Variants in DNAH5 observed in about 807,000 individuals in gnomAD.
DNAH5 encodes axonemal beta dynein heavy chain 5.
A neutral mutation model predicts 518.2 loss-of-function variants in DNAH5; 372 were observed. The ratio of observed to expected loss-of-function variants is 0.72; its 90% CI spans 0.66 to 0.78. The LOEUF is 0.78. DNAH5 is among the 30% of genes least tolerant of loss of function. The pLI, the probability that DNAH5 is intolerant of heterozygous loss-of-function variation, is 0.00. For synonymous variants in DNAH5, 2,039 were observed against 2,025.9 expected, an observed-to-expected ratio of 1.01 and a Z score of -0.17; for missense variants, 5,523 against 5,687.0, an observed-to-expected ratio of 0.97 and a Z score of 0.93.
chr5:13,748,601 T>G (rs1010919866), intron 65 of DNAH5, among the ~76,000 whole-genome samples: 1 of 152,306 alleles, frequency 6.6e-6, no homozygotes, highest in Admixed American at 6.5e-5. Context: ...TCATATCCCT[T>G]GTAAGTTGGA....
rs1189787566 is a variant in DNAH5, at chr5:13,768,948, A to C, written c.9897+12T>G. 1.2e-6 allele frequency: 2 copies of C among 1,613,928 alleles called. No individual in the cohort carries two copies. The highest frequency in any genetic ancestry group is 1.7e-6 in the Non-Finnish European group (2 of 1,179,966). On this transcript the variant is annotated intron_variant, in intron 58 of 78. Coordinates refer to ENST00000265104, the MANE Select transcript of DNAH5 (RefSeq NM_001369.3). ...CCCTAAAGCTGACATCTGTTATATC[A>C]CATAGATGCACCTGCAATGCAGCTT... is the stretch of plus-strand genomic sequence containing the variant.
chr5:13,809,320 G>A, intron 45 of DNAH5, 134 bp from the exon 46 acceptor site: 1 of 1,096,436 alleles, frequency 9.1e-7, no homozygotes, highest in Non-Finnish European at 1.4e-6. Context: ...TAAAATTAGA[G>A]ATCTAAGTAC....
At chr5:13,974,663 C>T (rs1782108987) in intron 1 of DNAH5, among the ~76,000 whole-genome samples, 1 of 152,134 alleles carries the variant, frequency 6.6e-6, no homozygotes, top group Admixed American at 6.5e-5. Context: ...TGAACTGGTG[C>T]CTGCATGACA....
At chr5:13,833,751 C>T (rs1269007555) in intron 35 of DNAH5, among the ~76,000 whole-genome samples, 1 of 152,154 alleles carries the variant, frequency 6.6e-6, no homozygotes. Flanking sequence ...CTCCATCAGC[C>T]CTCAATTTCT....
At chr5:13,910,897 G>A (rs2151976858) in intron 12 of DNAH5, among the ~76,000 whole-genome samples, 1 of 152,320 alleles carries the variant, frequency 6.6e-6, no homozygotes, top group South Asian at 2.1e-4. Context: ...CAGTGAGCAG[G>A]TGAAAGAAGG....
intron 31 of DNAH5, among the ~76,000 whole-genome samples, chr5:13,849,251 T>C (rs980136747): frequency 3.3e-5 from 5 of 152,236 alleles, no homozygotes. Flanking sequence ...AGGGTTTACA[T>C]CTCTCACGTT....
rs140308039 is a variant in DNAH5, at chr5:13,832,408, C to T, written c.5883-1633G>A. On this transcript the variant is annotated intron_variant, in intron 35 of 78. Transcript: ENST00000265104. ...ACCCACTGCTACACTGGTGCCCAAACTGCCTTTCGGTGACAAGCATGGATC... is the reference window on the plus strand; with the variant it reads ...ACCCACTGCTACACTGGTGCCCAAATTGCCTTTCGGTGACAAGCATGGATC... 1.3e-3 allele frequency among the ~76,000 whole-genome samples: 193 copies of T among 152,376 alleles called. 1 individual carries two copies. The Middle Eastern group carries it at 0.017, about 13-fold the overall frequency.
At chr5:13,878,219 C>T (rs1032795750) in intron 21 of DNAH5, among the ~76,000 whole-genome samples, 5 of 152,158 alleles carry the variant, frequency 3.3e-5, no homozygotes, top group Non-Finnish European at 5.9e-5. Context: ...CTTCTGCAGC[C>T]ACCTCCCAAA....
At chr5:13,978,589 TATA>T (rs1782448109) in intron 1 of DNAH5, among the ~76,000 whole-genome samples, 1 of 152,212 alleles carries the variant, frequency 6.6e-6, no homozygotes, top group Admixed American at 6.5e-5. Context: ...CCCATGAGAT[TATA>T]ATGCCATATG....
At chr5:13,908,417 C>A (rs1005290960) in intron 12 of DNAH5, among the ~76,000 whole-genome samples, 2 of 152,186 alleles carry the variant, frequency 1.3e-5, no homozygotes, top group Admixed American at 1.3e-4. Context: ...AGCCCTAACA[C>A]TTTTACCTGG....
chr5:13,893,278 C>G (rs1054037061), intron 16 of DNAH5, among the ~76,000 whole-genome samples: 5 of 151,896 alleles, frequency 3.3e-5, no homozygotes, highest in African/African-American at 1.2e-4. Context: ...TAAAAGGAGG[C>G]ATCACGAGAG....
chr5:13,751,790 C>G (rs1436417679), intron 64 of DNAH5, among the ~76,000 whole-genome samples: 1 of 151,946 alleles, frequency 6.6e-6, no homozygotes, highest in Non-Finnish European at 1.5e-5. Context: ...CAGGGGATTG[C>G]ATGGTTTGAA....
chr5:13,718,835 T>C lies in DNAH5; in HGVS notation c.12499+47A>G. ...TTTTATAATTTTTTTAGGAAAACAATTTAAGTAAGGAAACTCCTGTAGACT... is the reference window on the plus strand; with the variant it reads ...TTTTATAATTTTTTTAGGAAAACAACTTAAGTAAGGAAACTCCTGTAGACT... On this transcript the variant is annotated intron_variant, in intron 72 of 78. Coordinates refer to ENST00000265104, the MANE Select transcript of DNAH5 (RefSeq NM_001369.3). 4 of 1,496,368 alleles carry C rather than the reference T, an allele frequency of 2.7e-6. No homozygotes were observed. The South Asian group carries it at 4.5e-5, about 17-fold the overall frequency. The allele number at this position is 1,496,368 out of a possible 1,614,324, so 92.7% of individuals were successfully genotyped here.
In DNAH5 at chr5:13,917,104, G is replaced by T. The variant is rs774125746; in HGVS notation, c.1089+39C>A. 14 of 1,467,778 alleles carry T rather than the reference G, an allele frequency of 9.5e-6. No homozygotes were observed. The East Asian group carries it at 2.5e-4, about 26-fold the overall frequency. 90.9% of individuals were successfully genotyped at this position (1,467,778 alleles called of 1,614,324 possible). A position where few individuals can be genotyped will look rare whatever the true frequency, so the allele number is the denominator to read the frequency against. ...ATTCAATTCAGCTAGTGCAAAAAGG[G>T]TTATCTATAGACTGAAAGAGTAGAA... On this transcript the variant is annotated intron_variant, in intron 8 of 78. Transcript: ENST00000265104.
chr5:13,768,910 T>A (rs745432193), intron 58 of DNAH5, 50 bp downstream of exon 58: 1 of 1,592,572 alleles, frequency 6.3e-7, no homozygotes, highest in African/African-American at 1.3e-5. Context: ...TTAGCATTAG[T>A]CTGCCTCTTA....
chr5:14,006,676 C>T (rs407000), intron 1 of DNAH5, among the ~76,000 whole-genome samples: 112,557 of 152,108 alleles, frequency 0.74, 41,983 homozygotes, highest in East Asian at 0.97. Context: ...ATGTACAAAC[C>T]TGGAGAGGGC....
intron 60 of DNAH5, among the ~76,000 whole-genome samples, chr5:13,759,257 T>C (rs990971118): frequency 6.6e-6 from 1 of 152,192 alleles, no homozygotes; most frequent in Non-Finnish European, 1.5e-5. Flanking sequence ...AGAGGCAAAA[T>C]CAAAATTATT....
At chr5:13,811,206 A>G (rs1251252613) in intron 44 of DNAH5, among the ~76,000 whole-genome samples, 1 of 152,218 alleles carries the variant, frequency 6.6e-6, no homozygotes, top group Non-Finnish European at 1.5e-5. Flanking sequence ...TGTAATGTTC[A>G]TAACACAAAG....
intron 12 of DNAH5, among the ~76,000 whole-genome samples, chr5:13,910,943 G>C (rs770816164): frequency 3.9e-5 from 6 of 152,224 alleles, no homozygotes; most frequent in Non-Finnish European, 7.3e-5. Flanking sequence ...CGGGGTCCAG[G>C]TGCTGAGTCG....
Sources: allele counts gnomAD v4.1 joint callset (sites outside exome capture counted in the v4.1 genomes callset), GRCh38; gene constraint gnomAD v4.1.1; transcripts MANE v1.5; gene names NCBI Gene and HGNC (gene_info 2026-07-23, HGNC 2026-07-21).